ZBTB8A: variants seen among roughly 807,000 people sequenced by gnomAD.
ZBTB8A encodes the protein zinc finger and BTB domain containing 8A.
A neutral mutation model predicts 37.8 loss-of-function variants in ZBTB8A; 19 were observed. That is an observed-to-expected ratio of 0.50 (90% CI 0.35 to 0.74). The LOEUF (loss-of-function observed/expected upper bound fraction) is 0.74, where lower values mean the gene tolerates loss of function less well. Ranked by LOEUF, ZBTB8A falls within the 30% of genes least tolerant of loss-of-function variation. The probability of loss-of-function intolerance (pLI) is 0.01; values close to 1 mark genes in which losing one functional copy is unlikely to be tolerated. For synonymous variants in ZBTB8A, 181 were observed against 185.2 expected, an observed-to-expected ratio of 0.98 and a Z score of 0.19; for missense variants, 394 against 537.8, an observed-to-expected ratio of 0.73 and a Z score of 2.65.
At chr1:32,578,259 TAGA>T (rs1644378533) in intron 2 of ZBTB8A, among the ~76,000 whole-genome samples, 1 of 150,608 alleles carries the variant, frequency 6.6e-6, no homozygotes, top group African/African-American at 2.4e-5. Context: ...TGTATTTTTG[TAGA>T]GATGGGATTT....
chr1:32,594,936 C>T, intron 3 of ZBTB8A, 118 bp from the exon 4 acceptor site: 2 of 1,078,306 alleles, frequency 1.9e-6, no homozygotes, highest in Non-Finnish European at 2.5e-6. Context: ...CTTTTTATTT[C>T]TTTTTTTTTA....
chr1:32,577,606 T>C (rs1644372844), intron 2 of ZBTB8A, among the ~76,000 whole-genome samples: 1 of 147,836 alleles, frequency 6.8e-6, no homozygotes, highest in African/African-American at 2.5e-5. Context: ...TTTTTTTTTT[T>C]TTTGAGACAG....
At position 32,603,190 on chromosome 1, in the gene ZBTB8A, G is replaced by A. The variant is rs534392971; in HGVS notation, c.*2771G>A. On this transcript the variant is annotated 3_prime_UTR_variant, in exon 5 of 5. Coordinates refer to ENST00000373510, the MANE Select transcript of ZBTB8A (RefSeq NM_001040441.3). The stretch of plus-strand genomic sequence containing the variant: ...CTGTTGTCCAAGCTGGAGTGCAGTG[G>A]CGTGATCTCGCTCACCACAACCTCT... The A allele has an allele frequency of 2.6e-5, 4 of 152,474 alleles. No homozygotes were observed. The East Asian group carries it at 7.7e-4, about 29-fold the overall frequency. 9.4% of individuals were successfully genotyped at this position (152,474 alleles called of 1,614,324 possible).
At position 32,593,377 on chromosome 1, in the gene ZBTB8A, C is replaced by G; in HGVS notation, c.446C>G (p.Ser149Cys). The part of the protein sequence containing the change: ...DANSNGVERS[S>C]FYSGGWQEGS... ...AATTCTAATGGTGTAGAACGTTCCTCTTTTTATAGTGGTGGCTGGCAAGAA... is the reference window on the plus strand; with the variant it reads ...AATTCTAATGGTGTAGAACGTTCCTGTTTTTATAGTGGTGGCTGGCAAGAA... The change falls in exon 3 of 5, where the codon TCT becomes TGT. Residue 149 changes from serine (S) to cysteine (C), a missense_variant. Around this residue, in one of 4 missense-constraint regions of ZBTB8A, gnomAD observed 171 missense variants for 186.8 expected, o/e 0.92. Transcript: ENST00000373510. 1 of 1,613,978 alleles carries G rather than the reference C, an allele frequency of 6.2e-7. No homozygotes were observed. The highest frequency in any genetic ancestry group is 8.5e-7 in the Non-Finnish European group (1 of 1,179,984).
intron 2 of ZBTB8A, among the ~76,000 whole-genome samples, chr1:32,588,173 TAAG>T (rs956848711): frequency 1.3e-5 from 2 of 151,994 alleles, no homozygotes; most frequent in Admixed American, 6.6e-5. Flanking sequence ...TAATCAAACT[TAAG>T]GAGGGCGTTA....
chr1:32,604,887 A>G lies in ZBTB8A; in HGVS notation c.*4468A>G, dbSNP rs1194488250. On this transcript the variant is annotated 3_prime_UTR_variant, in exon 5 of 5. Transcript: ENST00000373510. ...TTTAACTGGCCGGGCACGGTGGCTCATGCCTGTAATCCTAGCACTTTGGGA... is the reference window on the plus strand; with the variant it reads ...TTTAACTGGCCGGGCACGGTGGCTCGTGCCTGTAATCCTAGCACTTTGGGA... The G allele has an allele frequency of 6.6e-6, 1 of 152,176 alleles. No individual in the cohort carries two copies. Among genetic ancestry groups the G allele is most frequent in the Non-Finnish European group, 1.5e-5 (1 of 68,046 alleles). The allele number at this position is 152,176 out of a possible 1,614,324, so 9.4% of individuals were successfully genotyped here. A position where few individuals can be genotyped will look rare whatever the true frequency, so the allele number is the denominator to read the frequency against.
At chr1:32,551,529 C>T (rs1644155774) in intron 1 of ZBTB8A, among the ~76,000 whole-genome samples, 1 of 151,956 alleles carries the variant, frequency 6.6e-6, no homozygotes, top group Non-Finnish European at 1.5e-5. Flanking sequence ...GCCTGACTAA[C>T]ATGGAGAAAT....
At chr1:32,595,689 G>A (rs1319482035) in intron 4 of ZBTB8A, among the ~76,000 whole-genome samples, 4 of 145,776 alleles carry the variant, frequency 2.7e-5, no homozygotes, top group Admixed American at 7.0e-5. Context: ...TCTCTCTATC[G>A]CCCAAGCTGG....
intron 1 of ZBTB8A, among the ~76,000 whole-genome samples, chr1:32,540,147 A>T (rs1261325687): frequency 6.6e-6 from 1 of 152,046 alleles, no homozygotes; most frequent in Non-Finnish European, 1.5e-5. Context: ...CGCCTAACCA[A>T]TGTTGAGCTC....
intron 2 of ZBTB8A, among the ~76,000 whole-genome samples, chr1:32,578,527 T>C (rs1472067388): frequency 6.6e-6 from 1 of 152,004 alleles, no homozygotes; most frequent in African/African-American, 2.4e-5. Flanking sequence ...TTTCTAGAAA[T>C]TTTATTTGAC....
chr1:32,564,333 C>T (rs1644264213), intron 2 of ZBTB8A, among the ~76,000 whole-genome samples: 2 of 152,076 alleles, frequency 1.3e-5, no homozygotes, highest in African/African-American at 4.8e-5. Context: ...AGAATTTTTA[C>T]GTTATAAGCT....
chr1:32,592,979 G>A lies in ZBTB8A; in HGVS notation c.48G>A (p.Glu16=). Residue 16 remains glutamate (E), a synonymous_variant, in exon 3 of 5, where the codon GAG becomes GAA. Coordinates refer to ENST00000373510, the MANE Select transcript of ZBTB8A (RefSeq NM_001040441.3). ...HQSHLLQQLN[E]QRRQDVFCDC... ...CTCACCTCCTGCAGCAACTGAACGA[G>A]CAGCGCAGGCAAGATGTATTTTGTG... 1 of 1,613,952 alleles carries A rather than the reference G, an allele frequency of 6.2e-7. No homozygotes were observed. Among genetic ancestry groups the A allele is most frequent in the Non-Finnish European group, 8.5e-7 (1 of 1,179,918 alleles).
At chr1:32,598,822 A>G (rs1644552409) in intron 4 of ZBTB8A, among the ~76,000 whole-genome samples, 1 of 152,150 alleles carries the variant, frequency 6.6e-6, no homozygotes, top group Non-Finnish European at 1.5e-5. Context: ...AGCCAAAGGA[A>G]GCAAGCAAAG....
At chr1:32,579,136 GT>G (rs1199591409) in intron 2 of ZBTB8A, among the ~76,000 whole-genome samples, 1 of 151,918 alleles carries the variant, frequency 6.6e-6, no homozygotes, top group East Asian at 1.9e-4. Flanking sequence ...AGCAAAGAAT[GT>G]TTACTCTGGC....
At chr1:32,556,871 G>A (rs1175327702) in intron 2 of ZBTB8A, among the ~76,000 whole-genome samples, 2 of 151,732 alleles carry the variant, frequency 1.3e-5, no homozygotes, top group East Asian at 3.9e-4. Context: ...GCAAGACTCT[G>A]TCTCAACAAA....
At chr1:32,573,166 G>A (rs1644334870) in intron 2 of ZBTB8A, among the ~76,000 whole-genome samples, 1 of 149,042 alleles carries the variant, frequency 6.7e-6, no homozygotes, top group Non-Finnish European at 1.5e-5. Context: ...CCCCTCCCAG[G>A]TTCAAGTGAT....
At chr1:32,553,905 A>AAG (rs1198483324) in intron 2 of ZBTB8A, among the ~76,000 whole-genome samples, 10 of 127,464 alleles carry the variant, frequency 7.8e-5, no homozygotes, top group African/African-American at 1.7e-4. Flanking sequence ...AAAAAAAAAA[A>AAG]GGTAGAATTT....
chr1:32,560,546 A>G (rs1046039523), intron 2 of ZBTB8A, among the ~76,000 whole-genome samples: 1 of 151,050 alleles, frequency 6.6e-6, no homozygotes, highest in Non-Finnish European at 1.5e-5. Context: ...AGTAACAGAA[A>G]ACAGACTCAT....
intron 2 of ZBTB8A, among the ~76,000 whole-genome samples, chr1:32,586,040 G>A (rs1311689037): frequency 1.3e-5 from 2 of 150,642 alleles, no homozygotes; most frequent in African/African-American, 2.4e-5. Context: ...ATTTCTGGCC[G>A]GGCACGGTGG....
Sources: gnomAD v4.1 joint callset for allele counts (sites outside exome capture counted in the v4.1 genomes callset) on GRCh38, gnomAD v4.1.1 for gene constraint, gnomAD v4.1.1 regional missense constraint, MANE v1.5 for transcripts, NCBI Gene and HGNC (gene_info 2026-07-23, HGNC 2026-07-21) for gene names.